The following CDYL2 variants were observed in gnomAD, a reference collection of about 807,000 sequenced individuals.
CDYL2 encodes the protein chromodomain Y-like protein 2.
In CDYL2, 23 loss-of-function variants were observed where a neutral mutation model predicts 49.4. The ratio of observed to expected loss-of-function variants is 0.47; its 90% CI spans 0.34 to 0.66. The LOEUF is 0.66. CDYL2 is among the 30% of genes least tolerant of loss of function. CDYL2 has a pLI of 0.01. For synonymous variants in CDYL2, 360 were observed against 268.8 expected (o/e 1.34, Z -3.32); for missense variants, 678 against 656.4 (o/e 1.03, Z -0.36).
chr16:80,611,698 C>T (rs1045713458), intron 5 of CDYL2, among the ~76,000 whole-genome samples: 1 of 152,234 alleles, frequency 6.6e-6, no homozygotes, highest in Non-Finnish European at 1.5e-5. Context: ...CACTAAACCT[C>T]TCTAGCCTCA....
chr16:80,663,862 G>A (rs536623887), intron 2 of CDYL2, among the ~76,000 whole-genome samples: 14 of 152,292 alleles, frequency 9.2e-5, no homozygotes, highest in Middle Eastern at 3.4e-3. Flanking sequence ...AAAGTGCTGG[G>A]ATTAGAGGTG....
chr16:80,673,336 A>G (rs950365909), intron 2 of CDYL2, among the ~76,000 whole-genome samples: 1 of 152,114 alleles, frequency 6.6e-6, no homozygotes, highest in Non-Finnish European at 1.5e-5. Context: ...AAATAAATAA[A>G]TAATTTTAAA....
At chr16:80,666,758 G>A (rs1238540748) in intron 2 of CDYL2, among the ~76,000 whole-genome samples, 1 of 152,216 alleles carries the variant, frequency 6.6e-6, no homozygotes, top group Non-Finnish European at 1.5e-5. Context: ...TTTGACAGAT[G>A]TCAGAAGGGT....
chr16:80,661,298 T>A (rs114230825), intron 2 of CDYL2, among the ~76,000 whole-genome samples: 1 of 152,138 alleles, frequency 6.6e-6, no homozygotes, highest in Non-Finnish European at 1.5e-5. Context: ...GGCTCCTTGA[T>A]TATTATGGGC....
intron 1 of CDYL2, among the ~76,000 whole-genome samples, chr16:80,745,036 C>T (rs111837541): frequency 5.1e-4 from 77 of 152,260 alleles, no homozygotes; most frequent in African/African-American, 1.5e-3. Flanking sequence ...TACAGGATGA[C>T]GAAACCATGG....
chr16:80,611,472 G>A (rs930477505), intron 5 of CDYL2, among the ~76,000 whole-genome samples: 7 of 152,154 alleles, frequency 4.6e-5, no homozygotes, highest in Non-Finnish European at 8.8e-5. Flanking sequence ...AGCCGTCAAA[G>A]GAAGCCCAGA....
In CDYL2 at chr16:80,704,546, G is replaced by C. The variant is rs1321322526; in HGVS notation, c.25-19417C>G. ...ATAGCAAACTGAGATAAGTGCTCTA[G>C]ACAAAAGGAAAGACGTTCACCACCG... On this transcript the variant is annotated intron_variant, in intron 1 of 6. Transcript: ENST00000570137. Among the ~76,000 whole-genome samples, 3 of 152,220 alleles carry C rather than the reference G, an allele frequency of 2.0e-5. No homozygotes were observed. In the East Asian group the frequency reaches 5.8e-4, roughly 29 times the overall value.
At chr16:80,782,182 G>C (rs898247238) in intron 1 of CDYL2, among the ~76,000 whole-genome samples, 2 of 151,710 alleles carry the variant, frequency 1.3e-5, no homozygotes, top group Admixed American at 6.6e-5. Context: ...ATTACTACAG[G>C]CTTTACAGAA....
chr16:80,702,183 A>AAC (rs35071485), intron 1 of CDYL2, among the ~76,000 whole-genome samples: 12,334 of 142,742 alleles, frequency 0.086, 480 homozygotes, highest in East Asian at 0.1. Context: ...GAAGGCCTAA[A>AAC]ACACACACAC....
At chr16:80,773,817 A>C (rs1038953427) in intron 1 of CDYL2, among the ~76,000 whole-genome samples, 1 of 152,140 alleles carries the variant, frequency 6.6e-6, no homozygotes, top group African/African-American at 2.4e-5. Context: ...TATATTTAGG[A>C]GCAATGGCAG....
In CDYL2 at chr16:80,679,273, TATAA is replaced by T. The variant is rs1209657716; in HGVS notation, c.616+5261_616+5264del. On this transcript the variant is annotated intron_variant, in intron 2 of 6. Coordinates refer to ENST00000570137, the MANE Select transcript of CDYL2 (RefSeq NM_152342.4). The stretch of plus-strand genomic sequence containing the variant: ...AACTTAAAGTATAATAATAAAAATA[TATAA>T]ATAAATAAATAAATAAACAAACAAG... 4.6e-4 allele frequency among the ~76,000 whole-genome samples: 52 copies of T among 112,620 alleles called. 1 individual carries two copies. Among genetic ancestry groups the T allele is most frequent in the Admixed American group, 2.5e-3 (30 of 11,782 alleles). The allele number at this position is 112,620 out of a possible 152,430, so 73.9% of individuals were successfully genotyped here.
intron 1 of CDYL2, among the ~76,000 whole-genome samples, chr16:80,781,919 T>G (rs1907281512): frequency 6.6e-6 from 1 of 151,876 alleles, no homozygotes. Flanking sequence ...AGGGGACATT[T>G]ACAGGTGTAA....
At chr16:80,787,563 C>T (rs941539931) in intron 1 of CDYL2, among the ~76,000 whole-genome samples, 1 of 152,122 alleles carries the variant, frequency 6.6e-6, no homozygotes, top group Non-Finnish European at 1.5e-5. Flanking sequence ...CAATGTGAAA[C>T]ACCTAGGACA....
At position 80,602,583 on chromosome 16, in the gene CDYL2, A is replaced by G. The variant is rs1378314886; in HGVS notation, c.*1805T>C. On this transcript the variant is annotated 3_prime_UTR_variant, in exon 7 of 7. Transcript: ENST00000570137. ...TGCCCAGTGCACCTGATTGCCAGGA[A>G]AAGATAAAGGACCACAGAGAGTTAG... 1 of 152,288 alleles carries G rather than the reference A, an allele frequency of 6.6e-6. No individual in the cohort carries two copies. Among genetic ancestry groups the G allele is most frequent in the East Asian group, 1.9e-4 (1 of 5,202 alleles). The allele number at this position is 152,288 out of a possible 1,614,324, so 9.4% of individuals were successfully genotyped here. A position where few individuals can be genotyped will look rare whatever the true frequency, so the allele number is the denominator to read the frequency against.
chr16:80,719,840 C>G (rs964090421), intron 1 of CDYL2, among the ~76,000 whole-genome samples: 5 of 152,176 alleles, frequency 3.3e-5, no homozygotes, highest in Admixed American at 1.3e-4. Context: ...AGAATCAGCC[C>G]AAGAGGGTAC....
rs753865173 is a variant in CDYL2 at position 80,612,912 on chromosome 16, G to C, written c.1008-76C>G. The C allele has an allele frequency of 4.3e-5, 58 of 1,349,752 alleles. No homozygotes were observed. The highest frequency in any genetic ancestry group is 1.0e-4 in the Admixed American group (4 of 39,374). The allele number at this position is 1,349,752 out of a possible 1,614,324, so 83.6% of individuals were successfully genotyped here. A position where few individuals can be genotyped will look rare whatever the true frequency, so the allele number is the denominator to read the frequency against. On this transcript the variant is annotated intron_variant, in intron 4 of 6. Transcript: ENST00000570137. The surrounding 1 kb of genome is among the most constrained non-coding windows in gnomAD (Gnocchi z 5.0). ...CCCACTGGAACCCTTGACTCTCCCA[G>C]GTGCTGTGAGGAGCACCCTCAGGTC... is the stretch of plus-strand genomic sequence containing the variant.
At chr16:80,736,393 T>C (rs1905531138) in intron 1 of CDYL2, 1 of 152,226 alleles carries the variant, frequency 6.6e-6, no homozygotes, top group African/African-American at 2.4e-5. Flanking sequence ...TAAGCACTTA[T>C]TTTCAAGTTA....
At chr16:80,635,051 A>G (rs913540784) in intron 2 of CDYL2, among the ~76,000 whole-genome samples, 1 of 152,246 alleles carries the variant, frequency 6.6e-6, no homozygotes, top group African/African-American at 2.4e-5. Flanking sequence ...GATATCTCTC[A>G]TGAACACAGA....
rs957044861 is a variant in CDYL2 at position 80,758,837 on chromosome 16, C to T, written c.24+45313G>A. 3.3e-5 allele frequency among the ~76,000 whole-genome samples: 5 copies of T among 151,290 alleles called. No homozygotes were observed. In the East Asian group the frequency reaches 5.9e-4, roughly 18 times the overall value. ...GATTACAGGCGTGAGCCACCACGCC[C>T]GGCCTGCTGCAGCACTTCTAATCAT... On this transcript the variant is annotated intron_variant, in intron 1 of 6. Coordinates refer to ENST00000570137, the MANE Select transcript of CDYL2 (RefSeq NM_152342.4).
Sources: allele counts gnomAD v4.1 joint callset (sites outside exome capture counted in the v4.1 genomes callset), GRCh38; gene constraint gnomAD v4.1.1; non-coding constraint Gnocchi (gnomAD v3.1); transcripts MANE v1.5; gene names NCBI Gene and HGNC (gene_info 2026-07-23, HGNC 2026-07-21).